The following TAPT1 variants were observed in gnomAD, a reference collection of about 807,000 sequenced individuals.
TAPT1 encodes transmembrane anterior posterior transformation 1.
TAPT1 carries 28 observed loss-of-function variants against 65.6 expected under a neutral mutation model. That is an observed-to-expected ratio of 0.43 (90% CI 0.32 to 0.59). The LOEUF is 0.59. TAPT1 is among the 20% of genes least tolerant of loss of function. The pLI, the probability that TAPT1 is intolerant of heterozygous loss-of-function variation, is 0.09. For synonymous variants in TAPT1, 278 were observed against 245.2 expected (o/e 1.13, Z -1.25); for missense variants, 563 against 679.9 (o/e 0.83, Z 1.91).
chr4:16,202,248 C>T (rs755686030), intron 3 of TAPT1, among the ~76,000 whole-genome samples: 1 of 151,842 alleles, frequency 6.6e-6, no homozygotes, highest in Non-Finnish European at 1.5e-5. Flanking sequence ...AGCAAAGTTT[C>T]GGTTCAAAAC....
chr4:16,185,345 ATAAAAGTCCTTTGGAATCATCG>A (rs1472377971), intron 7 of TAPT1, among the ~76,000 whole-genome samples: 1 of 151,980 alleles, frequency 6.6e-6, no homozygotes, highest in East Asian at 1.9e-4. Context: ...ATCCATATAA[ATAAAAGTCCTTTGGAATCATCG>A]TAATTTTTTT....
Position 16,186,614 on chromosome 4 carries a change from T to A in TAPT1, c.847-10A>T. The stretch of plus-strand genomic sequence containing the variant: ...CTTTAATTTCAACAAACTGAAATAG[T>A]AAACAGAAATACCATCTTTATGATT... On this transcript the variant is annotated splice_polypyrimidine_tract_variant and intron_variant, in intron 6 of 13. Transcript: ENST00000405303. The A allele has an allele frequency of 6.7e-7, 1 of 1,495,054 alleles. No homozygotes were observed. The highest frequency in any genetic ancestry group is 9.1e-7 in the Non-Finnish European group (1 of 1,096,046). The allele number at this position is 1,495,054 out of a possible 1,614,324, so 92.6% of individuals were successfully genotyped here.
intron 12 of TAPT1, among the ~76,000 whole-genome samples, chr4:16,169,654 G>A (rs1241261232): frequency 6.6e-6 from 1 of 152,246 alleles, no homozygotes; most frequent in African/African-American, 2.4e-5. Flanking sequence ...TGCAGGACAA[G>A]GGCCTGAGCC....
At chr4:16,202,913 T>C (rs555695013) in intron 2 of TAPT1, among the ~76,000 whole-genome samples, 1 of 152,350 alleles carries the variant, frequency 6.6e-6, no homozygotes, top group African/African-American at 2.4e-5. Context: ...TATTCCTGTT[T>C]ATTAGAATGC....
intron 3 of TAPT1, chr4:16,196,528 A>C: frequency 2.5e-6 from 1 of 393,442 alleles, no homozygotes; most frequent in South Asian, 1.9e-5. Context: ...TTTAAAAAGG[A>C]CAGGGATCCA....
chr4:16,200,722 G>A (rs982133254), intron 3 of TAPT1, among the ~76,000 whole-genome samples: 7 of 152,088 alleles, frequency 4.6e-5, no homozygotes, highest in African/African-American at 1.7e-4. Flanking sequence ...TGTATATTTG[G>A]TAATGTTCTA....
At chr4:16,179,948 G>A (rs1748614622) in intron 7 of TAPT1, among the ~76,000 whole-genome samples, 1 of 152,046 alleles carries the variant, frequency 6.6e-6, no homozygotes. Flanking sequence ...CTGCTCAGAT[G>A]AGGTCATTAG....
chr4:16,194,980 C>CAA (rs1749615229), intron 3 of TAPT1, among the ~76,000 whole-genome samples: 2 of 152,114 alleles, frequency 1.3e-5, no homozygotes, highest in Non-Finnish European at 2.9e-5. Context: ...GATCCACCGG[C>CAA]CTCGGCCTCC....
intron 7 of TAPT1, among the ~76,000 whole-genome samples, chr4:16,180,113 A>G (rs903013533): frequency 6.6e-6 from 1 of 152,278 alleles, no homozygotes; most frequent in Non-Finnish European, 1.5e-5. Flanking sequence ...ACAATTACTG[A>G]ACTGATGAGT....
At chr4:16,223,734 C>T (rs901384238) in intron 1 of TAPT1, among the ~76,000 whole-genome samples, 2 of 152,098 alleles carry the variant, frequency 1.3e-5, no homozygotes, top group Non-Finnish European at 2.9e-5. Flanking sequence ...GACAAATATA[C>T]ATATCTAGTT....
intron 2 of TAPT1, among the ~76,000 whole-genome samples, chr4:16,212,706 A>G (rs1750716771): frequency 6.6e-6 from 1 of 152,198 alleles, no homozygotes. Context: ...GCCAAAGGCA[A>G]TCAAACCACT....
At chr4:16,174,861 G>A in intron 9 of TAPT1, 132 bp from the exon 10 acceptor site, 1 of 583,396 alleles carries the variant, frequency 1.7e-6, no homozygotes, top group Non-Finnish European at 2.8e-6. Flanking sequence ...TGACATCTGG[G>A]CATAATTTCT....
chr4:16,205,449 T>C (rs55949632), intron 2 of TAPT1, among the ~76,000 whole-genome samples: 10,851 of 152,234 alleles, frequency 0.071, 556 homozygotes, highest in Middle Eastern at 0.14. Flanking sequence ...GCAGAGACCA[T>C]ATCTTGCTTA....
At chr4:16,170,787 G>A in intron 11 of TAPT1, 58 bp from the exon 12 acceptor site, 1 of 1,290,886 alleles carries the variant, frequency 7.7e-7, no homozygotes, top group Non-Finnish European at 1.1e-6. Flanking sequence ...CAACCACAGA[G>A]TTATTAGTTA....
intron 1 of TAPT1, chr4:16,226,057 G>C: frequency 9.9e-7 from 1 of 1,014,230 alleles, no homozygotes; most frequent in Non-Finnish European, 1.2e-6. Context: ...CCTCGGGGCT[G>C]CGCGCGCAAC....
intron 5 of TAPT1, among the ~76,000 whole-genome samples, chr4:16,187,938 T>C (rs1749118743): frequency 6.6e-6 from 1 of 152,206 alleles, no homozygotes; most frequent in South Asian, 2.1e-4. Context: ...CAGGTATGTA[T>C]AAAGATACAC....
chr4:16,208,465 G>C (rs1014544941), intron 2 of TAPT1, among the ~76,000 whole-genome samples: 1 of 152,176 alleles, frequency 6.6e-6, no homozygotes, highest in Non-Finnish European at 1.5e-5. Flanking sequence ...CCACGTCTGG[G>C]AAATCTTTCA....
At chr4:16,192,374 T>C (rs1473953748) in intron 3 of TAPT1, among the ~76,000 whole-genome samples, 4 of 152,206 alleles carry the variant, frequency 2.6e-5, no homozygotes, top group Non-Finnish European at 5.9e-5. Context: ...TTTCCACATA[T>C]TTAACAGTTA....
At chr4:16,193,454 A>AG (rs1403613800) in intron 3 of TAPT1, among the ~76,000 whole-genome samples, 1 of 152,170 alleles carries the variant, frequency 6.6e-6, no homozygotes, top group Non-Finnish European at 1.5e-5. Flanking sequence ...AGAGAGAAAG[A>AG]GAGACCTTTT....
Sources: gnomAD v4.1 joint callset for allele counts (sites outside exome capture counted in the v4.1 genomes callset) on GRCh38, gnomAD v4.1.1 for gene constraint, MANE v1.5 for transcripts, NCBI Gene and HGNC (gene_info 2026-07-23, HGNC 2026-07-21) for gene names.